XPNPEP1: variants seen among roughly 807,000 people sequenced by gnomAD.
XPNPEP1 encodes X-prolyl aminopeptidase 1.
XPNPEP1 carries 39 observed loss-of-function variants against 92.4 expected under a neutral mutation model. The ratio of observed to expected loss-of-function variants is 0.42; its 90% CI spans 0.33 to 0.55. The LOEUF (loss-of-function observed/expected upper bound fraction) is 0.55, where lower values mean the gene tolerates loss of function less well. Ranked by LOEUF, XPNPEP1 falls within the 20% of genes least tolerant of loss-of-function variation. XPNPEP1 has a pLI of 0.08. For missense variants in XPNPEP1, 654 were observed against 856.1 expected (o/e 0.76, Z 2.95); for synonymous variants, 307 against 299.4 (o/e 1.03, Z -0.26).
At position 109,870,114 on chromosome 10, in the gene XPNPEP1, C is replaced by T. The variant is rs572522634; in HGVS notation, c.1697-85G>A. 6.3e-6 allele frequency: 9 copies of T among 1,432,580 alleles called. No homozygotes were observed. The South Asian group carries it at 8.6e-5, about 14-fold the overall frequency. The allele number at this position is 1,432,580 out of a possible 1,614,324, so 88.7% of individuals were successfully genotyped here. On this transcript the variant is annotated intron_variant, in intron 18 of 20. Coordinates refer to ENST00000502935, the MANE Select transcript of XPNPEP1 (RefSeq NM_020383.4). ...GAAACTTTCACTCCTTGGATGACTG[C>T]CCTACTCCAAAGGAGAAGAAACGGG...
chr10:109,869,569 A>G (rs1262754212), intron 19 of XPNPEP1, among the ~76,000 whole-genome samples: 6 of 152,178 alleles, frequency 3.9e-5, no homozygotes, highest in Non-Finnish European at 7.3e-5. Flanking sequence ...CCTGGAAATT[A>G]GCGCCTTGAA....
chr10:109,900,146 G>A lies in XPNPEP1; in HGVS notation c.247-7071C>T, dbSNP rs753918947. Among the ~76,000 whole-genome samples, 27 of 152,294 alleles carry A rather than the reference G, an allele frequency of 1.8e-4. 1 individual carries two copies. The highest frequency in any genetic ancestry group is 1.2e-3 in the South Asian group (6 of 4,834). ...TTGCGTAATTATGCATTTGAGGTAC[G>A]TTTTCTCTCTTGCAGGGAACAGCGT... On this transcript the variant is annotated intron_variant, in intron 3 of 20. Transcript: ENST00000502935.
chr10:109,871,923 C>A, intron 16 of XPNPEP1, 62 bp from the exon 17 acceptor site: 1 of 1,505,740 alleles, frequency 6.6e-7, no homozygotes, highest in Admixed American at 2.0e-5. Flanking sequence ...CTGTAGTTTT[C>A]TGGTAGTTCA....
rs79996322 is a variant in XPNPEP1, at chr10:109,888,441, G to A, written c.508+62C>T. ...TCCACACCCCACAAGCAAATGAGGAGAATGGAGGGGAATCTAGAAGCCACT... is the reference window on the plus strand; with the variant it reads ...TCCACACCCCACAAGCAAATGAGGAAAATGGAGGGGAATCTAGAAGCCACT... On this transcript the variant is annotated intron_variant, in intron 6 of 20. Coordinates refer to ENST00000502935, the MANE Select transcript of XPNPEP1 (RefSeq NM_020383.4). 7,251 of 1,485,958 alleles carry A rather than the reference G, an allele frequency of 4.9e-3. 270 individuals carry two copies. In the African/African-American group the frequency reaches 0.086, roughly 18 times the overall value. The allele number at this position is 1,485,958 out of a possible 1,614,324, so 92.0% of individuals were successfully genotyped here.
At chr10:109,873,983 A>C (rs1015412369) in intron 15 of XPNPEP1, among the ~76,000 whole-genome samples, 1 of 152,198 alleles carries the variant, frequency 6.6e-6, no homozygotes, top group Non-Finnish European at 1.5e-5. Context: ...GTAGTGGAAA[A>C]GGGGGTAGTG....
rs1396693409 is a variant in XPNPEP1, at chr10:109,902,569, A to G, written c.246+5122T>C. On this transcript the variant is annotated intron_variant, in intron 3 of 20. Transcript: ENST00000502935. The stretch of plus-strand genomic sequence containing the variant: ...CAGAAAACATGCAAACAAACAAAAC[A>G]CAATTTCTCCACGTATGTAAGACAG... Among the ~76,000 whole-genome samples the G allele has an allele frequency of 2.0e-5, 3 of 152,356 alleles. No homozygotes were observed. In the East Asian group the frequency reaches 5.8e-4, roughly 29 times the overall value.
At chr10:109,895,160 C>T (rs1034988380) in intron 3 of XPNPEP1, among the ~76,000 whole-genome samples, 4 of 152,190 alleles carry the variant, frequency 2.6e-5, no homozygotes, top group African/African-American at 7.2e-5. Context: ...AAAATCACTG[C>T]GCACAATGGG....
intron 5 of XPNPEP1, among the ~76,000 whole-genome samples, chr10:109,890,057 G>A (rs1848612250): frequency 6.6e-6 from 1 of 152,078 alleles, no homozygotes; most frequent in Admixed American, 6.6e-5. Context: ...CAAAACCCCA[G>A]GGATGAATCA....
At chr10:109,891,650 A>G (rs950893026) in intron 5 of XPNPEP1, 72 bp downstream of exon 5, 5 of 1,210,848 alleles carry the variant, frequency 4.1e-6, no homozygotes, top group African/African-American at 1.6e-5. Context: ...AAGATCCAGG[A>G]GTCCTGAGGA....
chr10:109,865,291 G>A lies in XPNPEP1; in HGVS notation c.1894C>T (p.His632Tyr). ...CCAATCACATCCCTGCAGGTCAGGT[G>A]GTAATTGTTGAGCCAGTCGCACTGC... ...DKECDWLNNY[H>Y]LTCRDVIGKE... Residue 632 changes from histidine to tyrosine, a missense_variant, in exon 21 of 21, where the codon CAC (histidine) becomes TAC (tyrosine). Coordinates refer to ENST00000502935, the MANE Select transcript of XPNPEP1 (RefSeq NM_020383.4). The A allele has an allele frequency of 1.2e-6, 2 of 1,614,160 alleles. No homozygotes were observed. The highest frequency in any genetic ancestry group is 1.7e-6 in the Non-Finnish European group (2 of 1,180,034).
Position 109,880,235 on chromosome 10 carries a change from T to C in XPNPEP1, c.1135A>G (p.Lys379Glu). The C allele has an allele frequency of 1.2e-6, 2 of 1,613,930 alleles. No individual in the cohort carries two copies. The highest frequency in any genetic ancestry group is 1.1e-5 in the South Asian group (1 of 91,086). The change falls in exon 12 of 21, where the codon AAA (lysine) becomes GAA (glutamate). Residue 379 changes from lysine (K) to glutamate (E), a missense_variant. By Grantham distance (56) the Lys-to-Glu change is moderately conservative. Transcript: ENST00000502935. ...AGTTCACAGAGAGCAACAGCATCTT[T>C]AATCTGTGCAAACAATGGAGACATT... ...ESEGMRRAHI[K>E]DAVALCELFN...
chr10:109,909,045 C>T (rs532983541), intron 2 of XPNPEP1, among the ~76,000 whole-genome samples: 27 of 152,126 alleles, frequency 1.8e-4, no homozygotes, highest in African/African-American at 5.3e-4. Context: ...CCAAAGCAGG[C>T]GGACCACAAG....
At chr10:109,875,444 T>C (rs1847733537) in intron 15 of XPNPEP1, 84 bp downstream of exon 15, 12 of 1,220,386 alleles carry the variant, frequency 9.8e-6, no homozygotes, top group Admixed American at 1.7e-5. Flanking sequence ...ACCAGCTGAG[T>C]GCTCTCAGCT....
chr10:109,880,300 G>T, intron 11 of XPNPEP1, 62 bp from the exon 12 acceptor site: 1 of 1,562,956 alleles, frequency 6.4e-7, no homozygotes, highest in Non-Finnish European at 8.8e-7. Flanking sequence ...CAGATTCAGA[G>T]CCTAGCCCTA....
At chr10:109,918,833 G>GAGGAAGGAAGGA (rs1210266532) in intron 1 of XPNPEP1, among the ~76,000 whole-genome samples, 2 of 112,814 alleles carry the variant, frequency 1.8e-5, no homozygotes, top group African/African-American at 7.1e-5. Flanking sequence ...GAAAGGAAAG[G>GAGGAAGGAAGGA]AGGAAGGAAG....
chr10:109,913,315 A>T lies in XPNPEP1; in HGVS notation c.121+1696T>A, dbSNP rs1849982518. ...TGTGTGTGAAAGCACCATGCACAGC[A>T]TCTATTACACTGCAGGAGCTCAAGA... On this transcript the variant is annotated intron_variant, in intron 2 of 20. Coordinates refer to ENST00000502935, the MANE Select transcript of XPNPEP1 (RefSeq NM_020383.4). 3.3e-5 allele frequency among the ~76,000 whole-genome samples: 5 copies of T among 152,374 alleles called. No individual in the cohort carries two copies. In the South Asian group the frequency reaches 1.0e-3, roughly 32 times the overall value.
At position 109,896,089 on chromosome 10, in the gene XPNPEP1, G is replaced by A. The variant is rs565527234; in HGVS notation, c.247-3014C>T. Among the ~76,000 whole-genome samples, 12 of 152,172 alleles carry A rather than the reference G, an allele frequency of 7.9e-5. No individual in the cohort carries two copies. The East Asian group carries it at 2.3e-3, about 29-fold the overall frequency. ...GAGCTCATTCCTGCCTCAAGGCCTTGGCACATGTGCTTCCTTGTGCCTATA... is the reference window on the plus strand; with the variant it reads ...GAGCTCATTCCTGCCTCAAGGCCTTAGCACATGTGCTTCCTTGTGCCTATA... On this transcript the variant is annotated intron_variant, in intron 3 of 20. Transcript: ENST00000502935.
At chr10:109,868,744 A>T in intron 19 of XPNPEP1, 32 bp from the exon 20 acceptor site, 1 of 1,578,408 alleles carries the variant, frequency 6.3e-7, no homozygotes, top group Non-Finnish European at 8.7e-7. Flanking sequence ...AGATGCTTTT[A>T]CTCCTCTTTA....
Position 109,868,643 on chromosome 10 carries a change from T to C in XPNPEP1, c.1843A>G (p.Ile615Val), listed in dbSNP as rs925261732. Residue 615 changes from isoleucine (I) to valine (V), a missense_variant, in exon 20 of 21, where the codon ATA (isoleucine) becomes GTA (valine). Transcript: ENST00000502935. Reference sequence around the variant, plus strand: ...TTGTCTGTAAGAGAATCCACATCTATCATTTTGGTCTGAATTGGAACCAAT... The same window carrying C: ...TTGTCTGTAAGAGAATCCACATCTACCATTTTGGTCTGAATTGGAACCAAT... The part of the protein sequence containing the change: ...LTLVPIQTKM[I>V]DVDSLTDKEC... The C allele has an allele frequency of 9.9e-6, 16 of 1,613,830 alleles. No homozygotes were observed. Among genetic ancestry groups the C allele is most frequent in the Admixed American group, 1.7e-5 (1 of 60,000 alleles).
Sources: allele counts gnomAD v4.1 joint callset (sites outside exome capture counted in the v4.1 genomes callset), GRCh38; gene constraint gnomAD v4.1.1; transcripts MANE v1.5; gene names NCBI Gene and HGNC (gene_info 2026-07-23, HGNC 2026-07-21).